Variants in FHIT observed in about 807,000 individuals in gnomAD.
FHIT encodes fragile histidine triad diadenosine triphosphatase.
Under a neutral mutation model 17.9 loss-of-function variants are expected in FHIT, and 19 were observed. That is an observed-to-expected ratio of 1.06 (90% confidence interval 0.74 to 1.56). The LOEUF (loss-of-function observed/expected upper bound fraction) is 1.56. Ranked by LOEUF, FHIT falls within the 40% of genes most tolerant of loss-of-function variation. FHIT has a pLI of 0.00. For missense variants in FHIT, 248 were observed against 189.2 expected, an observed-to-expected ratio of 1.31 and a Z score of -1.82; for synonymous variants, 81 against 69.7, an observed-to-expected ratio of 1.16 and a Z score of -0.81.
At chr3:60,959,517 G>T (rs1166940306) in intron 3 of FHIT, among the ~76,000 whole-genome samples, 1 of 152,296 alleles carries the variant, frequency 6.6e-6, no homozygotes, top group Admixed American at 6.5e-5. Context: ...TCACTATCTT[G>T]TTGGGGAGAA....
At chr3:60,692,330 G>A (rs1700146418) in intron 4 of FHIT, among the ~76,000 whole-genome samples, 1 of 152,122 alleles carries the variant, frequency 6.6e-6, no homozygotes, top group Admixed American at 6.5e-5. Flanking sequence ...CCTAAAATCT[G>A]TGAATGTGTT....
intron 5 of FHIT, among the ~76,000 whole-genome samples, chr3:60,365,312 T>C (rs77570712): frequency 0.027 from 4,053 of 152,108 alleles, 88 homozygotes; most frequent in African/African-American, 0.065. Flanking sequence ...AATGTAAGGT[T>C]ACATGTTCCC....
At chr3:60,147,436 T>C (rs1452051210) in intron 5 of FHIT, among the ~76,000 whole-genome samples, 1 of 152,110 alleles carries the variant, frequency 6.6e-6, no homozygotes, top group Non-Finnish European at 1.5e-5. Context: ...TGAGGCACTA[T>C]AGGAGCAAGA....
intron 3 of FHIT, among the ~76,000 whole-genome samples, chr3:60,949,797 A>G (rs550021210): frequency 8.5e-5 from 13 of 152,340 alleles, no homozygotes; most frequent in Non-Finnish European, 1.6e-4. Context: ...AAAATGAAAG[A>G]AAAGGTCAAA....
At chr3:60,475,087 G>A (rs2033278117) in intron 5 of FHIT, among the ~76,000 whole-genome samples, 1 of 141,574 alleles carries the variant, frequency 7.1e-6, no homozygotes, top group East Asian at 1.9e-4. Context: ...CAGATAGCTT[G>A]GGGGAAAACG....
At chr3:60,704,975 A>G (rs554485217) in intron 4 of FHIT, among the ~76,000 whole-genome samples, 1 of 152,196 alleles carries the variant, frequency 6.6e-6, no homozygotes, top group South Asian at 2.1e-4. Context: ...AGATAAATAA[A>G]CATCCCTGGC....
At chr3:60,533,537 A>G (rs1343142472) in intron 5 of FHIT, among the ~76,000 whole-genome samples, 3 of 152,218 alleles carry the variant, frequency 2.0e-5, no homozygotes, top group African/African-American at 7.2e-5. Flanking sequence ...CTCAGTAATA[A>G]AGTACTGAAT....
chr3:60,290,667 T>C (rs1181575329), intron 5 of FHIT, among the ~76,000 whole-genome samples: 1 of 152,188 alleles, frequency 6.6e-6, no homozygotes, highest in African/African-American at 2.4e-5. Context: ...TTTTTCTAGT[T>C]CCAAAGCCTG....
At position 61,004,024 on chromosome 3, in the gene FHIT, C is replaced by T. The variant is rs145512987; in HGVS notation, c.-111+38023G>A. Among the ~76,000 whole-genome samples the T allele has an allele frequency of 3.7e-4, 56 of 152,120 alleles. No homozygotes were observed. In the East Asian group the frequency reaches 0.01, roughly 28 times the overall value. On this transcript the variant is annotated intron_variant, in intron 3 of 9. Coordinates refer to ENST00000492590, the MANE Select transcript of FHIT (RefSeq NM_002012.4). ...GACAGATTATTAAATAATGACTGTA[C>T]TGAGTGTCTACTAAGCACAGTGGTG... is the stretch of plus-strand genomic sequence containing the variant.
At chr3:61,242,302 AC>A (rs1386420414) in intron 1 of FHIT, among the ~76,000 whole-genome samples, 1 of 152,052 alleles carries the variant, frequency 6.6e-6, no homozygotes, top group Non-Finnish European at 1.5e-5. Context: ...AAAAAAAAAA[AC>A]ACCTCTGCCC....
intron 4 of FHIT, among the ~76,000 whole-genome samples, chr3:60,608,846 A>C (rs1311840829): frequency 6.6e-6 from 1 of 152,186 alleles, no homozygotes; most frequent in Non-Finnish European, 1.5e-5. Context: ...ATTAGTCTGT[A>C]ACAATTTCTT....
intron 3 of FHIT, among the ~76,000 whole-genome samples, chr3:60,875,876 T>C (rs1200237504): frequency 6.6e-6 from 1 of 151,036 alleles, no homozygotes; most frequent in Non-Finnish European, 1.5e-5. Context: ...TCTAAATAAG[T>C]ATGAAAAATT....
chr3:60,627,203 A>G (rs2107764633), intron 4 of FHIT, among the ~76,000 whole-genome samples: 1 of 152,256 alleles, frequency 6.6e-6, no homozygotes, highest in South Asian at 2.1e-4. Flanking sequence ...CATAGAATGT[A>G]GTGATAATTT....
chr3:60,501,686 C>T (rs1287602913), intron 5 of FHIT, among the ~76,000 whole-genome samples: 1 of 152,132 alleles, frequency 6.6e-6, no homozygotes, highest in Non-Finnish European at 1.5e-5. Context: ...GATGCTCGGT[C>T]CTTTAGAAAT....
chr3:60,903,608 T>G (rs1259157876), intron 3 of FHIT, among the ~76,000 whole-genome samples: 1 of 152,206 alleles, frequency 6.6e-6, no homozygotes, highest in Admixed American at 6.5e-5. Flanking sequence ...TTGTGCCGAG[T>G]GCATCTAACT....
intron 5 of FHIT, among the ~76,000 whole-genome samples, chr3:60,367,069 A>G (rs909302009): frequency 9.2e-5 from 14 of 152,242 alleles, no homozygotes; most frequent in South Asian, 2.1e-4. Context: ...GCCATTATCA[A>G]TGAGACTCAT....
At chr3:60,322,377 A>G (rs184113707) in intron 5 of FHIT, among the ~76,000 whole-genome samples, 1 of 152,370 alleles carries the variant, frequency 6.6e-6, no homozygotes, top group Non-Finnish European at 1.5e-5. Context: ...AGTCACAGGG[A>G]AAGACTTGTT....
At chr3:61,225,143 G>T (rs1038736335) in intron 1 of FHIT, among the ~76,000 whole-genome samples, 30 of 152,192 alleles carry the variant, frequency 2.0e-4, no homozygotes, top group African/African-American at 6.8e-4. Context: ...AAGGGAAACA[G>T]CATGAAGGAA....
chr3:60,164,374 A>G (rs1701065631), intron 5 of FHIT, among the ~76,000 whole-genome samples: 1 of 152,228 alleles, frequency 6.6e-6, no homozygotes. Flanking sequence ...CCATGCAGCC[A>G]TGGCACTGCT....
Sources: gnomAD v4.1 joint callset for allele counts (sites outside exome capture counted in the v4.1 genomes callset) on GRCh38, gnomAD v4.1.1 for gene constraint, MANE v1.5 for transcripts, NCBI Gene and HGNC (gene_info 2026-07-23, HGNC 2026-07-21) for gene names.